The following KLHL1 variants were observed in gnomAD, a reference collection of about 807,000 sequenced individuals.
KLHL1 encodes kelch like family member 1.
Under a neutral mutation model 77.7 loss-of-function variants are expected in KLHL1, and 47 were observed. The ratio of observed to expected loss-of-function variants is 0.60; its 90% CI spans 0.48 to 0.77. The LOEUF (loss-of-function observed/expected upper bound fraction) is 0.77. KLHL1 is among the 30% of genes least tolerant of loss of function. KLHL1 has a pLI of 0.00. For synonymous variants in KLHL1, 360 were observed against 325.2 expected (o/e 1.11, Z -1.15); for missense variants, 925 against 910.8 (o/e 1.02, Z -0.20).
At chr13:69,878,525 TAG>T (rs1437659909) in intron 5 of KLHL1, among the ~76,000 whole-genome samples, 29 of 152,098 alleles carry the variant, frequency 1.9e-4, no homozygotes, top group Non-Finnish European at 2.9e-5. Context: ...TGAGAAAATA[TAG>T]ACTCTTGCCT....
At chr13:69,964,544 A>C (rs1329719913) in intron 2 of KLHL1, among the ~76,000 whole-genome samples, 2 of 152,096 alleles carry the variant, frequency 1.3e-5, no homozygotes, top group Admixed American at 1.3e-4. Context: ...TCAAATTTTG[A>C]AAATTATCTG....
intron 6 of KLHL1, among the ~76,000 whole-genome samples, chr13:69,807,336 T>C: frequency 6.6e-6 from 1 of 152,050 alleles, no homozygotes; most frequent in East Asian, 1.9e-4. Context: ...TGGGATGATA[T>C]GGCAGCAGCT....
chr13:70,034,177 C>T (rs1157820411), intron 1 of KLHL1, among the ~76,000 whole-genome samples: 5 of 152,126 alleles, frequency 3.3e-5, no homozygotes, highest in Admixed American at 3.3e-4. Flanking sequence ...CAACATTTTA[C>T]TGTTGTCTAT....
At chr13:69,929,921 G>C (rs1384661051) in intron 4 of KLHL1, among the ~76,000 whole-genome samples, 1 of 151,818 alleles carries the variant, frequency 6.6e-6, no homozygotes, top group African/African-American at 2.4e-5. Context: ...AATGTTGTCT[G>C]ATATTGAAGG....
At chr13:69,987,882 T>C (rs867628901) in intron 1 of KLHL1, among the ~76,000 whole-genome samples, 16 of 152,204 alleles carry the variant, frequency 1.1e-4, no homozygotes, top group Non-Finnish European at 1.3e-4. Flanking sequence ...TATGAAAAGA[T>C]ACATTAAATG....
intron 8 of KLHL1, among the ~76,000 whole-genome samples, chr13:69,721,096 T>TATATATATATATA (rs1593772228): frequency 1.3e-5 from 1 of 76,232 alleles, no homozygotes; most frequent in African/African-American, 4.3e-5. Context: ...TGTACCTCCC[T>TATATATATATATA]TACAAGGAAT....
At chr13:70,036,690 G>A (rs1886245888) in intron 1 of KLHL1, among the ~76,000 whole-genome samples, 1 of 151,730 alleles carries the variant, frequency 6.6e-6, no homozygotes, top group African/African-American at 2.4e-5. Flanking sequence ...CAATGAAGTA[G>A]GATATTCCCT....
At chr13:69,877,044 A>T (rs1178108777) in intron 5 of KLHL1, among the ~76,000 whole-genome samples, 1 of 152,178 alleles carries the variant, frequency 6.6e-6, no homozygotes, top group Non-Finnish European at 1.5e-5. Flanking sequence ...TCCAAAAAAA[A>T]AAAGATATAA....
intron 3 of KLHL1, among the ~76,000 whole-genome samples, chr13:69,954,971 T>G (rs181117161): frequency 6.6e-6 from 1 of 151,342 alleles, no homozygotes; most frequent in Admixed American, 6.6e-5. Flanking sequence ...AAACACCCTC[T>G]GAAAATTGCT....
intron 7 of KLHL1, among the ~76,000 whole-genome samples, chr13:69,758,893 A>C (rs1030411498): frequency 1.3e-5 from 2 of 152,198 alleles, no homozygotes; most frequent in African/African-American, 4.8e-5. Flanking sequence ...ATTATTAATT[A>C]AATATAACAT....
chr13:69,780,696 ATATATG>A (rs778018756), intron 7 of KLHL1, among the ~76,000 whole-genome samples: 6 of 16,426 alleles, frequency 3.7e-4, no homozygotes, highest in African/African-American at 1.5e-3. Context: ...ATATATATAT[ATATATG>A]TATATATATA....
chr13:69,841,172 A>G (rs1290605126), intron 5 of KLHL1, among the ~76,000 whole-genome samples: 1 of 151,872 alleles, frequency 6.6e-6, no homozygotes, highest in Non-Finnish European at 1.5e-5. Flanking sequence ...TTCCCCTTCA[A>G]TATCACATCT....
At chr13:69,961,524 C>A in intron 2 of KLHL1, 80 bp from the exon 3 acceptor site, 2 of 1,433,492 alleles carry the variant, frequency 1.4e-6, no homozygotes, top group Non-Finnish European at 9.7e-7. Flanking sequence ...CAACACAGAG[C>A]ACAAAATCAA....
At chr13:69,793,638 T>C (rs1876972772) in intron 7 of KLHL1, among the ~76,000 whole-genome samples, 1 of 152,116 alleles carries the variant, frequency 6.6e-6, no homozygotes, top group Non-Finnish European at 1.5e-5. Context: ...TATTATATAT[T>C]CAATTTTATA....
At chr13:70,050,744 CTATCA>C (rs1316611073) in intron 1 of KLHL1, among the ~76,000 whole-genome samples, 1 of 151,642 alleles carries the variant, frequency 6.6e-6, no homozygotes, top group Non-Finnish European at 1.5e-5. Context: ...TAATTGTTAC[CTATCA>C]TAACAAAAAT....
intron 6 of KLHL1, among the ~76,000 whole-genome samples, chr13:69,823,360 T>G (rs1878415745): frequency 6.6e-6 from 1 of 152,118 alleles, no homozygotes; most frequent in African/African-American, 2.4e-5. Context: ...TTTTTCAATT[T>G]TATTAAAATA....
rs1050150620 is a variant in KLHL1 at position 69,884,000 on chromosome 13, T to C, written c.1015-1505A>G. On this transcript the variant is annotated intron_variant, in intron 4 of 10. Coordinates refer to ENST00000377844, the MANE Select transcript of KLHL1 (RefSeq NM_020866.3). ...TTTTAGTATAAAAACTGCAGTAGAG[T>C]GACACTAAGACTCTTCCAAAGAAGC... 3.3e-5 allele frequency among the ~76,000 whole-genome samples: 5 copies of C among 152,176 alleles called. No homozygotes were observed. The South Asian group carries it at 8.3e-4, about 25-fold the overall frequency.
At chr13:69,934,988 A>G (rs940888562) in intron 4 of KLHL1, among the ~76,000 whole-genome samples, 2 of 133,382 alleles carry the variant, frequency 1.5e-5, no homozygotes, top group African/African-American at 3.2e-5. Flanking sequence ...ATATATATAT[A>G]TGTATATATA....
chr13:69,895,494 T>G (rs1187041840), intron 4 of KLHL1, among the ~76,000 whole-genome samples: 1 of 152,144 alleles, frequency 6.6e-6, no homozygotes, highest in Non-Finnish European at 1.5e-5. Context: ...CGGGTTGATT[T>G]GTATATTAGT....
Sources: gnomAD v4.1 joint callset for allele counts (sites outside exome capture counted in the v4.1 genomes callset) on GRCh38, gnomAD v4.1.1 for gene constraint, MANE v1.5 for transcripts, NCBI Gene and HGNC (gene_info 2026-07-23, HGNC 2026-07-21) for gene names.